GDPD5: variants seen among roughly 807,000 people sequenced by gnomAD.
GDPD5 encodes the protein glycerophosphodiester phosphodiesterase domain containing 5.
Under a neutral mutation model 75.1 loss-of-function variants are expected in GDPD5, and 48 were observed. The observed-to-expected ratio is 0.64, with a 90% confidence interval of 0.51 to 0.81. The LOEUF is 0.81. Ranked by LOEUF, GDPD5 falls within the 40% of genes least tolerant of loss-of-function variation. The pLI, the probability that GDPD5 is intolerant of heterozygous loss-of-function variation, is 0.00. For missense variants in GDPD5, 706 were observed against 822.6 expected, an observed-to-expected ratio of 0.86 and a Z score of 1.73; for synonymous variants, 336 against 339.0, an observed-to-expected ratio of 0.99 and a Z score of 0.10.
intron 2 of GDPD5, among the ~76,000 whole-genome samples, chr11:75,483,021 C>T (rs567471527): frequency 2.6e-5 from 4 of 152,202 alleles, no homozygotes; most frequent in African/African-American, 7.2e-5. Flanking sequence ...GCCGCCGGGA[C>T]GATCTCTGAG....
At position 75,442,540 on chromosome 11, in the gene GDPD5, G is replaced by A; in HGVS notation, c.990C>T (p.Asp330=). Residue 330 remains aspartate, a synonymous_variant, in exon 12 of 17, where the codon GAC becomes GAT. Coordinates refer to ENST00000336898, the MANE Select transcript of GDPD5 (RefSeq NM_030792.8). ...TGGACTGGTTCTGGGCCTCTCTGTG[G>A]TCGGAGGGTGACAGGGAGCTGGCTG... ...FWTASSLSPS[D]HREAQNQSIC... is the part of the protein sequence containing the mutation. 6.2e-7 allele frequency: 1 copy of A among 1,614,180 alleles called. No homozygotes were observed. Among genetic ancestry groups the A allele is most frequent in the East Asian group, 2.2e-5 (1 of 44,878 alleles).
chr11:75,457,248 TG>T (rs1464055186), intron 5 of GDPD5, among the ~76,000 whole-genome samples: 4 of 152,200 alleles, frequency 2.6e-5, no homozygotes, highest in Admixed American at 6.5e-5. Context: ...CAGAGGCTCC[TG>T]GAAGAGGAAG....
At chr11:75,512,093 A>G (rs1950532179) in intron 1 of GDPD5, among the ~76,000 whole-genome samples, 1 of 152,158 alleles carries the variant, frequency 6.6e-6, no homozygotes, top group Non-Finnish European at 1.5e-5. Flanking sequence ...AGAGGTCCTC[A>G]ATCAGGACAG....
At chr11:75,491,478 T>C (rs1950108266) in intron 1 of GDPD5, among the ~76,000 whole-genome samples, 1 of 152,212 alleles carries the variant, frequency 6.6e-6, no homozygotes, top group Admixed American at 6.5e-5. Context: ...CTTGTTAAAA[T>C]GTGGTCTGAC....
At chr11:75,440,000 C>T (rs375910225) in intron 14 of GDPD5, 39 bp from the exon 15 acceptor site, 3 of 1,506,566 alleles carry the variant, frequency 2.0e-6, no homozygotes, top group African/African-American at 2.7e-5. Flanking sequence ...CCAGTCATGG[C>T]CAGTCCAGAC....
At chr11:75,452,827 G>A (rs1024374409) in intron 6 of GDPD5, 1 of 152,340 alleles carries the variant, frequency 6.6e-6, no homozygotes, top group African/African-American at 2.4e-5. Context: ...TTGGGGCTGT[G>A]TGGTACCCAG....
intron 1 of GDPD5, among the ~76,000 whole-genome samples, chr11:75,514,383 G>A (rs550118461): frequency 1.3e-5 from 2 of 152,378 alleles, no homozygotes; most frequent in Admixed American, 1.3e-4. Context: ...ATCCTTGCAG[G>A]CCCACGGTGG....
chr11:75,524,053 T>C (rs1366261831), intron 1 of GDPD5, among the ~76,000 whole-genome samples: 1 of 152,064 alleles, frequency 6.6e-6, no homozygotes, highest in East Asian at 1.9e-4. Flanking sequence ...ACAACACCCC[T>C]CTCCCTACAT....
At chr11:75,441,874 A>C in intron 12 of GDPD5, 71 bp from the exon 13 acceptor site, 1 of 1,456,626 alleles carries the variant, frequency 6.9e-7, no homozygotes, top group Non-Finnish European at 9.2e-7. Flanking sequence ...CTCCTCCTAG[A>C]GCACCTGTGG....
chr11:75,465,716 T>C (rs1377936994), intron 3 of GDPD5, among the ~76,000 whole-genome samples: 1 of 152,246 alleles, frequency 6.6e-6, no homozygotes, highest in Non-Finnish European at 1.5e-5. Context: ...GATGGCTGTC[T>C]GTCCACAGAG....
chr11:75,452,382 GGAAATGCAAGT>G (rs1949183560), intron 6 of GDPD5: 1 of 152,258 alleles, frequency 6.6e-6, no homozygotes, highest in South Asian at 2.1e-4. Context: ...AGATCAGTGA[GGAAATGCAAGT>G]GAAATGCTTA....
chr11:75,461,184 C>T (rs1417038784), intron 4 of GDPD5, among the ~76,000 whole-genome samples: 3 of 152,066 alleles, frequency 2.0e-5, no homozygotes, highest in Admixed American at 1.3e-4. Context: ...TGGGGGTAGA[C>T]TTGATGATCT....
At chr11:75,470,349 A>G (rs1172952706) in intron 3 of GDPD5, among the ~76,000 whole-genome samples, 1 of 152,226 alleles carries the variant, frequency 6.6e-6, no homozygotes, top group Non-Finnish European at 1.5e-5. Context: ...TTTATTTATC[A>G]TGCTTTCTGT....
chr11:75,466,186 C>CTAGTGCA (rs1198056178), intron 3 of GDPD5, among the ~76,000 whole-genome samples: 1 of 152,232 alleles, frequency 6.6e-6, no homozygotes, highest in Non-Finnish European at 1.5e-5. Flanking sequence ...ATGATCAGAA[C>CTAGTGCA]TAGTGCATGA....
chr11:75,484,561 A>G (rs972517704), intron 2 of GDPD5, among the ~76,000 whole-genome samples: 1 of 152,186 alleles, frequency 6.6e-6, no homozygotes, highest in Non-Finnish European at 1.5e-5. Flanking sequence ...AGCTTTTAAC[A>G]GGTTTTAAGC....
At chr11:75,477,575 TG>T in intron 3 of GDPD5, 43 bp downstream of exon 3, 3 of 1,312,892 alleles carry the variant, frequency 2.3e-6, no homozygotes, top group South Asian at 1.4e-5. Flanking sequence ...TCAGGCTTGC[TG>T]GGGCTCACTG....
intron 6 of GDPD5, among the ~76,000 whole-genome samples, chr11:75,454,512 G>A (rs1362817716): frequency 5.3e-5 from 8 of 152,216 alleles, no homozygotes; most frequent in East Asian, 1.9e-4. Flanking sequence ...CCACCACATC[G>A]TCCTGGCAAA....
At chr11:75,505,883 A>G (rs1289793263) in intron 1 of GDPD5, among the ~76,000 whole-genome samples, 1 of 152,234 alleles carries the variant, frequency 6.6e-6, no homozygotes. Context: ...CTGCAGTCAG[A>G]GAGACAAAAT....
At chr11:75,497,306 T>C (rs628972) in intron 1 of GDPD5, among the ~76,000 whole-genome samples, 98,991 of 151,980 alleles carry the variant, frequency 0.65, 33,382 homozygotes, top group East Asian at 0.92. Flanking sequence ...TGAACAAAGG[T>C]GGCAGGACGC....
Sources: gnomAD v4.1 joint callset for allele counts (sites outside exome capture counted in the v4.1 genomes callset) on GRCh38, gnomAD v4.1.1 for gene constraint, MANE v1.5 for transcripts, NCBI Gene and HGNC (gene_info 2026-07-23, HGNC 2026-07-21) for gene names.